Variants in CLSTN2 observed in about 807,000 individuals in gnomAD.
CLSTN2 encodes the protein calsyntenin-2.
A neutral mutation model predicts 101.2 loss-of-function variants in CLSTN2; 48 were observed. That is an observed-to-expected ratio of 0.47 (90% CI 0.38 to 0.60). The LOEUF is 0.60. Among genes scored for constraint, CLSTN2 ranks in the 20% least tolerant of loss-of-function variants. The pLI, the probability that CLSTN2 is intolerant of heterozygous loss-of-function variation, is 0.00. For synonymous variants in CLSTN2, 481 were observed against 463.6 expected, an observed-to-expected ratio of 1.04 and a Z score of -0.48; for missense variants, 1,160 against 1,238.2, an observed-to-expected ratio of 0.94 and a Z score of 0.95.
intron 1 of CLSTN2, among the ~76,000 whole-genome samples, chr3:140,000,956 G>T (rs183612940): frequency 6.6e-6 from 1 of 152,264 alleles, no homozygotes; most frequent in Admixed American, 6.5e-5. Context: ...TCTGAGGCTC[G>T]TAAAATGAAG....
At chr3:140,054,714 G>A (rs1002223145) in intron 1 of CLSTN2, among the ~76,000 whole-genome samples, 21 of 152,224 alleles carry the variant, frequency 1.4e-4, no homozygotes, top group African/African-American at 4.6e-4. Flanking sequence ...GGGGGTGTAT[G>A]TGATCATAGA....
At chr3:139,982,441 G>A (rs1375289969) in intron 1 of CLSTN2, among the ~76,000 whole-genome samples, 2 of 151,784 alleles carry the variant, frequency 1.3e-5, no homozygotes, top group East Asian at 1.9e-4. Context: ...ATGCTTCTGT[G>A]GGGGCTTAAT....
At chr3:140,505,716 T>G (rs927334435) in intron 8 of CLSTN2, 4 of 152,210 alleles carry the variant, frequency 2.6e-5, no homozygotes, top group African/African-American at 9.7e-5. Flanking sequence ...CTGAGATTAC[T>G]CTGTTATTTT....
chr3:140,060,968 T>C (rs912624511), intron 1 of CLSTN2, among the ~76,000 whole-genome samples: 1 of 151,554 alleles, frequency 6.6e-6, no homozygotes, highest in Non-Finnish European at 1.5e-5. Flanking sequence ...GACAGAGGAG[T>C]TAACGATCAG....
intron 1 of CLSTN2, among the ~76,000 whole-genome samples, chr3:140,051,621 C>A (rs924437700): frequency 2.0e-5 from 3 of 152,192 alleles, no homozygotes; most frequent in African/African-American, 7.2e-5. Flanking sequence ...CCTGTGAGGA[C>A]TGTGTTGTTA....
intron 1 of CLSTN2, among the ~76,000 whole-genome samples, chr3:140,007,520 T>C (rs1294713310): frequency 6.6e-6 from 1 of 152,128 alleles, no homozygotes; most frequent in African/African-American, 2.4e-5. Context: ...TGGATTTGAG[T>C]CCCATGAAAT....
At chr3:140,546,815 C>T in intron 10 of CLSTN2, 134 bp downstream of exon 10, 1 of 782,112 alleles carries the variant, frequency 1.3e-6, no homozygotes, top group Admixed American at 3.1e-5. Flanking sequence ...AAGGTGCAGC[C>T]ACGAGATGGG....
At chr3:140,520,958 T>C (rs1352485091) in intron 8 of CLSTN2, among the ~76,000 whole-genome samples, 5 of 152,204 alleles carry the variant, frequency 3.3e-5, no homozygotes, top group African/African-American at 1.2e-4. Flanking sequence ...TTGATACTCA[T>C]GATTGCACTG....
At chr3:140,347,368 G>A (rs1054665392) in intron 2 of CLSTN2, among the ~76,000 whole-genome samples, 21 of 152,208 alleles carry the variant, frequency 1.4e-4, no homozygotes, top group Non-Finnish European at 2.5e-4. Flanking sequence ...CTCTGGTTTT[G>A]TTTAATGACT....
chr3:140,244,118 T>C (rs956505821), intron 2 of CLSTN2, among the ~76,000 whole-genome samples: 5 of 152,116 alleles, frequency 3.3e-5, no homozygotes, highest in Admixed American at 6.5e-5. Context: ...CTGAATTCAG[T>C]TGTGGCTAAC....
At chr3:140,338,638 T>C (rs1464319778) in intron 2 of CLSTN2, among the ~76,000 whole-genome samples, 2 of 152,194 alleles carry the variant, frequency 1.3e-5, no homozygotes, top group Non-Finnish European at 2.9e-5. Context: ...ACTAAGCTTT[T>C]CAGAGAGCTC....
At chr3:140,297,230 G>A (rs966840217) in intron 2 of CLSTN2, among the ~76,000 whole-genome samples, 6 of 152,282 alleles carry the variant, frequency 3.9e-5, no homozygotes, top group African/African-American at 9.6e-5. Flanking sequence ...ACTGCTCTCC[G>A]CATCAACTCT....
chr3:140,252,850 A>T (rs1483306771), intron 2 of CLSTN2, among the ~76,000 whole-genome samples: 1 of 152,020 alleles, frequency 6.6e-6, no homozygotes, highest in Admixed American at 6.6e-5. Context: ...AGCAGCTGAG[A>T]AAGCCTGTGA....
In CLSTN2 at chr3:140,568,203, G is replaced by T. The variant is rs1385564333; in HGVS notation, c.*1950G>T. ...AGACACTGCTGCAAACCTACTATGT[G>T]CTAAGCATCCTACCAATAGCTGTGA... On this transcript the variant is annotated 3_prime_UTR_variant, in exon 17 of 17. Transcript: ENST00000458420. 1 of 152,208 alleles carries T rather than the reference G, an allele frequency of 6.6e-6. No homozygotes were observed. The highest frequency in any genetic ancestry group is 1.5e-5 in the Non-Finnish European group (1 of 68,048). 9.4% of individuals were successfully genotyped at this position (152,208 alleles called of 1,614,324 possible).
chr3:139,999,631 T>C (rs961359205), intron 1 of CLSTN2, among the ~76,000 whole-genome samples: 1 of 152,176 alleles, frequency 6.6e-6, no homozygotes, highest in Non-Finnish European at 1.5e-5. Flanking sequence ...ATTAAAATAA[T>C]GTTTCTGCTA....
intron 1 of CLSTN2, among the ~76,000 whole-genome samples, chr3:140,033,630 T>G (rs2007599828): frequency 6.6e-6 from 1 of 152,208 alleles, no homozygotes; most frequent in African/African-American, 2.4e-5. Flanking sequence ...AGCCATTAGT[T>G]TAGTGACCTA....
chr3:140,145,538 A>T (rs928301812), intron 1 of CLSTN2, among the ~76,000 whole-genome samples: 1 of 152,256 alleles, frequency 6.6e-6, no homozygotes, highest in Non-Finnish European at 1.5e-5. Context: ...CCAAGGGATT[A>T]CTTAGAAGAA....
chr3:140,241,181 C>T (rs1424420374), intron 2 of CLSTN2, among the ~76,000 whole-genome samples: 3 of 151,996 alleles, frequency 2.0e-5, no homozygotes, highest in African/African-American at 7.2e-5. Flanking sequence ...TGACTTATAC[C>T]CATTTTGTCA....
Position 140,288,942 on chromosome 3 carries a change from T to C in CLSTN2, c.232+112869T>C, listed in dbSNP as rs369358187. Among the ~76,000 whole-genome samples, 674 of 79,674 alleles carry C rather than the reference T, an allele frequency of 8.5e-3. 2 individuals are homozygous for C. The highest frequency in any genetic ancestry group is 0.033 in the African/African-American group (637 of 19,148). 52.3% of individuals were successfully genotyped at this position (79,674 alleles called of 152,430 possible). The stretch of plus-strand genomic sequence containing the variant: ...TGGGCAGCCTCCCCAGACACTCTCC[T>C]CCCTGATCCCCCGTGCCCTTTTCCT... On this transcript the variant is annotated intron_variant, in intron 2 of 16. Coordinates refer to ENST00000458420, the MANE Select transcript of CLSTN2 (RefSeq NM_022131.3).
Sources: gnomAD v4.1 joint callset for allele counts (sites outside exome capture counted in the v4.1 genomes callset) on GRCh38, gnomAD v4.1.1 for gene constraint, MANE v1.5 for transcripts, NCBI Gene and HGNC (gene_info 2026-07-23, HGNC 2026-07-21) for gene names.